The following BRWD1 variants were observed in gnomAD, a reference collection of about 807,000 sequenced individuals.
The protein encoded by BRWD1 is bromodomain and WD repeat domain containing 1, also known as bromodomain and WD repeat-containing protein 1.
BRWD1 carries 82 observed loss-of-function variants against 251.2 expected under a neutral mutation model. That is an observed-to-expected ratio of 0.33 (90% CI 0.27 to 0.39). The LOEUF is 0.39. Ranked by LOEUF, BRWD1 falls within the 10% of genes least tolerant of loss-of-function variation. BRWD1 has a pLI of 1.00. For missense variants in BRWD1, 2,233 were observed against 2,711.6 expected, an observed-to-expected ratio of 0.82 and a Z score of 3.92; for synonymous variants, 918 against 902.8, an observed-to-expected ratio of 1.02 and a Z score of -0.30.
intron 4 of BRWD1, among the ~76,000 whole-genome samples, chr21:39,300,136 C>G (rs2036069634): frequency 6.6e-6 from 1 of 152,122 alleles, no homozygotes; most frequent in South Asian, 2.1e-4. Context: ...TGATTAGAAT[C>G]CTAAGGCGCC....
At chr21:39,210,212 C>T in intron 35 of BRWD1, 65 bp from the exon 36 acceptor site, 1 of 1,322,662 alleles carries the variant, frequency 7.6e-7, no homozygotes, top group Middle Eastern at 1.9e-4. Context: ...GTAAATGCAT[C>T]AGATCTCTAA....
chr21:39,258,564 T>C lies in BRWD1; in HGVS notation c.1994A>G (p.Gln665Arg), dbSNP rs2034636507. The C allele has an allele frequency of 1.2e-6, 2 of 1,613,620 alleles. No individual in the cohort carries two copies. The highest frequency in any genetic ancestry group is 1.6e-4 in the Middle Eastern group (1 of 6,082). Residue 665 changes from glutamine (Q) to arginine (R), a missense_variant, in exon 18 of 41, where the codon CAG (glutamine) becomes CGG (arginine). Physicochemically the swap from Gln to Arg is conservative, Grantham distance 43. Transcript: ENST00000342449. ...ATCTGCTCCCATTCTCTGATCTTGC[T>C]GCTGCTGCAACTGTCTTATCATTCC... is the stretch of plus-strand genomic sequence containing the variant. ...LDGMIRQLQQQQDQRMGADQD... is the reference protein window; with the variant it reads ...LDGMIRQLQQRQDQRMGADQD...
At chr21:39,291,740 A>G (rs2035813352) in intron 8 of BRWD1, among the ~76,000 whole-genome samples, 1 of 140,684 alleles carries the variant, frequency 7.1e-6, no homozygotes, top group Non-Finnish European at 1.6e-5. Context: ...TGCCCCTCTC[A>G]TCACGTGACA....
At chr21:39,203,623 G>A (rs998656177) in intron 37 of BRWD1, among the ~76,000 whole-genome samples, 1 of 150,428 alleles carries the variant, frequency 6.6e-6, no homozygotes, top group Admixed American at 6.6e-5. Context: ...TAGCCAGGAT[G>A]GTCTCGATCT....
At chr21:39,263,186 TA>T (rs1200371547) in intron 17 of BRWD1, among the ~76,000 whole-genome samples, 1 of 152,178 alleles carries the variant, frequency 6.6e-6, no homozygotes, top group African/African-American at 2.4e-5. Flanking sequence ...ATAAAAGTAA[TA>T]AAAAATAACA....
At chr21:39,200,129 C>T (rs1237815820) in intron 39 of BRWD1, 90 bp downstream of exon 39, 11 of 1,207,574 alleles carry the variant, frequency 9.1e-6, no homozygotes, top group Middle Eastern at 2.5e-4. Flanking sequence ...CTTAATCTTA[C>T]GTAGATGCAT....
chr21:39,280,544 T>C (rs79683364), intron 8 of BRWD1, among the ~76,000 whole-genome samples: 2,313 of 151,990 alleles, frequency 0.015, 58 homozygotes, highest in African/African-American at 0.053. Context: ...ATAATTAAAA[T>C]GATCAGACAA....
chr21:39,283,584 T>C (rs192780264), intron 8 of BRWD1, among the ~76,000 whole-genome samples: 3 of 152,364 alleles, frequency 2.0e-5, no homozygotes. Flanking sequence ...TATATATATT[T>C]AACCATCGTA....
At chr21:39,255,997 C>T (rs2034551686) in intron 18 of BRWD1, among the ~76,000 whole-genome samples, 169 bp from the exon 19 acceptor site, 2 of 152,184 alleles carry the variant, frequency 1.3e-5, no homozygotes, top group African/African-American at 2.4e-5. Context: ...AATTTATTTT[C>T]TGTACAGACA....
chr21:39,262,210 G>T (rs538040608), intron 17 of BRWD1, among the ~76,000 whole-genome samples: 1 of 152,174 alleles, frequency 6.6e-6, no homozygotes, highest in Non-Finnish European at 1.5e-5. Context: ...CAAATTCCAC[G>T]TGACAGTTGG....
Position 39,313,609 on chromosome 21 carries a change from G to T in BRWD1, c.-118C>A, listed in dbSNP as rs1481067445. ...GGCGCGCGCCGCCGCCGCCGCCGCCGCCGCCATACCGTGCGCGCCGCCTGG... is the reference window on the plus strand; with the variant it reads ...GGCGCGCGCCGCCGCCGCCGCCGCCTCCGCCATACCGTGCGCGCCGCCTGG... On this transcript the variant is annotated 5_prime_UTR_variant, in exon 1 of 41. Transcript: ENST00000342449. 2.4e-6 allele frequency: 2 copies of T among 822,878 alleles called. No homozygotes were observed. The highest frequency in any genetic ancestry group is 1.8e-5 in the African/African-American group (1 of 54,394). The allele number at this position is 822,878 out of a possible 1,614,324, so 51.0% of individuals were successfully genotyped here.
chr21:39,270,201 C>A, intron 14 of BRWD1, 82 bp downstream of exon 14: 2 of 1,329,334 alleles, frequency 1.5e-6, no homozygotes, highest in South Asian at 3.5e-5. Context: ...ACAACTTGTT[C>A]AATATATTAT....
rs778707572 is a variant in BRWD1, at chr21:39,313,351, CGGGGCCAGG to C, written c.50-61_50-53del. ...AGCCCCGGCGGGGAGGGGAGGGGGA[CGGGGCCAGG>C]GGAGCCGGGGGAGCCCGGGGAGCCG... On this transcript the variant is annotated intron_variant, in intron 1 of 40. Transcript: ENST00000342449. 40 of 1,446,508 alleles carry C rather than the reference CGGGGCCAGG, an allele frequency of 2.8e-5. 2 individuals carry two copies. In the South Asian group the frequency reaches 2.9e-4, roughly 11 times the overall value. 89.6% of individuals were successfully genotyped at this position (1,446,508 alleles called of 1,614,324 possible).
intron 5 of BRWD1, chr21:39,296,681 T>TA (rs2035969871): frequency 1.2e-6 from 1 of 864,022 alleles, no homozygotes; most frequent in Admixed American, 5.8e-5. Context: ...ACAAGTGAGG[T>TA]AACTGAGGCT....
intron 25 of BRWD1, 128 bp from the exon 26 acceptor site, chr21:39,229,564 A>G: frequency 5.0e-6 from 4 of 794,390 alleles, no homozygotes; most frequent in Non-Finnish European, 8.0e-6. Context: ...TTTAATTAAT[A>G]CCATTAATTA....
At position 39,310,009 on chromosome 21, in the gene BRWD1, A is replaced by C. The variant is rs573019226; in HGVS notation, c.198+2832T>G. Among the ~76,000 whole-genome samples, 3 of 152,368 alleles carry C rather than the reference A, an allele frequency of 2.0e-5. No homozygotes were observed. The South Asian group carries it at 6.2e-4, about 32-fold the overall frequency. On this transcript the variant is annotated intron_variant, in intron 4 of 40. Transcript: ENST00000342449. ...AAACATTCCAACACATTAACCAGTG[A>C]AATGAATGGCTTTCTGGAATTTGCT... is the stretch of plus-strand genomic sequence containing the variant.
rs1032948190 is a variant in BRWD1, at chr21:39,188,704, G to A, written c.*7555C>T. 6.1e-6 allele frequency: 6 copies of A among 985,290 alleles called. No homozygotes were observed. The African/African-American group carries it at 1.0e-4, about 17-fold the overall frequency. 61.0% of individuals were successfully genotyped at this position (985,290 alleles called of 1,614,324 possible). A position where few individuals can be genotyped will look rare whatever the true frequency, so the allele number is the denominator to read the frequency against. ...GATTTTTCCCTAAGTCTATGAAACTGATTTCACACTTCTCTAAGATCAGTT... is the reference window on the plus strand; with the variant it reads ...GATTTTTCCCTAAGTCTATGAAACTAATTTCACACTTCTCTAAGATCAGTT... On this transcript the variant is annotated 3_prime_UTR_variant, in exon 41 of 41. Transcript: ENST00000342449.
At chr21:39,275,503 C>T (rs2035251845) in intron 12 of BRWD1, among the ~76,000 whole-genome samples, 2 of 152,118 alleles carry the variant, frequency 1.3e-5, no homozygotes, top group South Asian at 4.1e-4. Flanking sequence ...AGACACTTTT[C>T]ATTCAATTAA....
intron 15 of BRWD1, among the ~76,000 whole-genome samples, chr21:39,266,102 T>C (rs1483676119): frequency 6.6e-6 from 1 of 152,132 alleles, no homozygotes; most frequent in Non-Finnish European, 1.5e-5. Context: ...ATCTACTCAG[T>C]AACTGCCAGA....
Sources: gnomAD v4.1 joint callset for allele counts (sites outside exome capture counted in the v4.1 genomes callset) on GRCh38, gnomAD v4.1.1 for gene constraint, MANE v1.5 for transcripts, NCBI Gene and HGNC (gene_info 2026-07-23, HGNC 2026-07-21) for gene names.